The following HOOK3 variants were observed in gnomAD, a reference collection of about 807,000 sequenced individuals.
The protein encoded by HOOK3 is protein Hook homolog 3.
HOOK3 carries 24 observed loss-of-function variants against 116.3 expected under a neutral mutation model. The observed-to-expected ratio is 0.21, with a 90% CI of 0.15 to 0.29. HOOK3 has a LOEUF of 0.29. Among genes scored for constraint, HOOK3 ranks in the 10% least tolerant of loss-of-function variants. The pLI is 1.00. For synonymous variants in HOOK3, 275 were observed against 283.0 expected (o/e 0.97, Z 0.28); for missense variants, 632 against 830.2 (o/e 0.76, Z 2.93).
chr8:42,983,993 A>G (rs538209656), intron 14 of HOOK3, among the ~76,000 whole-genome samples: 26 of 152,308 alleles, frequency 1.7e-4, no homozygotes, highest in African/African-American at 5.8e-4. Context: ...GGTTTCATAC[A>G]CTGTAAAAGT....
chr8:42,944,619 G>C (rs989940093), intron 5 of HOOK3, among the ~76,000 whole-genome samples: 4 of 152,084 alleles, frequency 2.6e-5, no homozygotes, highest in South Asian at 2.1e-4. Context: ...AGGAGTTTGA[G>C]ACCAGCCTGG....
intron 4 of HOOK3, among the ~76,000 whole-genome samples, chr8:42,938,320 A>C (rs1808014743): frequency 6.6e-6 from 1 of 151,466 alleles, no homozygotes; most frequent in South Asian, 2.1e-4. Context: ...TCCTGAATAC[A>C]GCACACTGAT....
intron 14 of HOOK3, among the ~76,000 whole-genome samples, chr8:42,984,394 A>G (rs550116068): frequency 5.9e-5 from 9 of 152,226 alleles, no homozygotes; most frequent in African/African-American, 1.9e-4. Flanking sequence ...AAGAAGTACA[A>G]ACAAAAGGCG....
chr8:42,917,095 T>C (rs1350571979), intron 2 of HOOK3, among the ~76,000 whole-genome samples: 4 of 152,178 alleles, frequency 2.6e-5, no homozygotes, highest in Non-Finnish European at 5.9e-5. Flanking sequence ...GATAATTTGT[T>C]AGAATGACTC....
At chr8:42,934,588 T>TA (rs1429524729) in intron 4 of HOOK3, among the ~76,000 whole-genome samples, 4 of 148,410 alleles carry the variant, frequency 2.7e-5, no homozygotes, top group Admixed American at 6.7e-5. Flanking sequence ...GTTCCCTCCG[T>TA]GTGTCCATGT....
At chr8:42,926,102 T>C (rs1335482725) in intron 3 of HOOK3, among the ~76,000 whole-genome samples, 1 of 152,196 alleles carries the variant, frequency 6.6e-6, no homozygotes, top group Non-Finnish European at 1.5e-5. Flanking sequence ...CCTTTAAGTA[T>C]TTTACAAGTT....
intron 2 of HOOK3, among the ~76,000 whole-genome samples, chr8:42,917,059 C>T (rs1807546644): frequency 6.6e-6 from 1 of 152,176 alleles, no homozygotes; most frequent in Admixed American, 6.5e-5. Flanking sequence ...TCAAGGGTTC[C>T]CATGACCCCG....
chr8:42,906,710 A>G (rs1051510218), intron 2 of HOOK3, among the ~76,000 whole-genome samples: 1 of 152,186 alleles, frequency 6.6e-6, no homozygotes, highest in African/African-American at 2.4e-5. Flanking sequence ...TTGTGACACC[A>G]TCTGATATAC....
At chr8:42,956,661 T>C (rs1471374580) in intron 6 of HOOK3, among the ~76,000 whole-genome samples, 3 of 152,238 alleles carry the variant, frequency 2.0e-5, no homozygotes, top group African/African-American at 7.2e-5. Context: ...CTCGGCTCAC[T>C]GCAACCTCCG....
intron 15 of HOOK3, among the ~76,000 whole-genome samples, chr8:42,989,290 T>G (rs956853812): frequency 6.6e-6 from 1 of 152,188 alleles, no homozygotes; most frequent in Non-Finnish European, 1.5e-5. Flanking sequence ...AGACTTTGAT[T>G]AAAATGTTAA....
rs543701584 is a variant in HOOK3 at position 42,899,274 on chromosome 8, A to G, written c.57+2086A>G. Among the ~76,000 whole-genome samples, 31 of 152,342 alleles carry G rather than the reference A, an allele frequency of 2.0e-4. No homozygotes were observed. The South Asian group carries it at 3.7e-3, about 18-fold the overall frequency. On this transcript the variant is annotated intron_variant, in intron 1 of 21. Coordinates refer to ENST00000307602, the MANE Select transcript of HOOK3 (RefSeq NM_032410.4). ...AATGTCAAGAAAACGAGTAATCCAC[A>G]TTATCAGCTGTAGAGAGGTCAGGGA...
intron 21 of HOOK3, among the ~76,000 whole-genome samples, chr8:43,014,326 T>G (rs982657250): frequency 3.4e-5 from 5 of 145,778 alleles, no homozygotes; most frequent in African/African-American, 1.0e-4. Context: ...AGACAAGAAA[T>G]GGGACCAGAT....
At chr8:43,011,710 C>CA (rs1192245395) in intron 19 of HOOK3, among the ~76,000 whole-genome samples, 5 of 151,468 alleles carry the variant, frequency 3.3e-5, no homozygotes, top group Non-Finnish European at 7.4e-5. Flanking sequence ...TCCGTCTCTA[C>CA]AAAAAAAAGT....
At chr8:42,936,030 A>G (rs1252952594) in intron 4 of HOOK3, among the ~76,000 whole-genome samples, 1 of 152,178 alleles carries the variant, frequency 6.6e-6, no homozygotes, top group Non-Finnish European at 1.5e-5. Context: ...TGAGCATGGA[A>G]TATTTGTTCA....
intron 13 of HOOK3, among the ~76,000 whole-genome samples, chr8:42,979,131 G>A (rs1808884671): frequency 6.6e-6 from 1 of 152,032 alleles, no homozygotes; most frequent in African/African-American, 2.4e-5. Context: ...TAATGGCTGG[G>A]TGCAGTGGCT....
chr8:42,997,553 G>C lies in HOOK3; in HGVS notation c.1536G>C (p.Leu512=). ...RKNELETENR[L]VNQRLLEVQS... ...TTAATGTACATTTCATTTCTAGGCT[G>C]GTGAATCAAAGACTTCTGGAAGTAC... The change falls in exon 16 of 22, where the codon CTG becomes CTC. Residue 512 remains leucine (L), a synonymous_variant. Transcript: ENST00000307602. 6.3e-7 allele frequency: 1 copy of C among 1,594,574 alleles called. No individual in the cohort carries two copies. The highest frequency in any genetic ancestry group is 8.6e-7 in the Non-Finnish European group (1 of 1,166,572).
intron 17 of HOOK3, among the ~76,000 whole-genome samples, chr8:43,006,666 GTAT>G (rs1187592811): frequency 1.3e-5 from 2 of 152,084 alleles, no homozygotes; most frequent in Non-Finnish European, 2.9e-5. Context: ...GGGCTTAGTT[GTAT>G]TATTCTTTTA....
At position 43,018,398 on chromosome 8, in the gene HOOK3, C is replaced by T; in HGVS notation, c.2057C>T (p.Ala686Val). The T allele has an allele frequency of 6.2e-7, 1 of 1,612,666 alleles. No homozygotes were observed. The highest frequency in any genetic ancestry group is 8.5e-7 in the Non-Finnish European group (1 of 1,179,626). Residue 686 changes from alanine to valine, a missense_variant, in exon 22 of 22, where the codon GCA becomes GTA. This residue lies in a region of HOOK3 where 483 missense variants were observed against 648.1 expected (regional missense o/e 0.75). Coordinates refer to ENST00000307602, the MANE Select transcript of HOOK3 (RefSeq NM_032410.4). The part of the protein sequence containing the change: ...LHKKAAEDRL[A>V]STGSGQSFLA... ...AAAAAGGCAGCTGAAGATAGACTGG[C>T]AAGCACAGGCTCAGGGCAGTCATTT...
intron 6 of HOOK3, 93 bp from the exon 7 acceptor site, chr8:42,957,001 A>C (rs910906697): frequency 1.7e-6 from 1 of 605,296 alleles, no homozygotes; most frequent in Non-Finnish European, 2.8e-6. Flanking sequence ...TTATATTTCT[A>C]TAGTGGCTGG....
Sources: gnomAD v4.1 joint callset for allele counts (sites outside exome capture counted in the v4.1 genomes callset) on GRCh38, gnomAD v4.1.1 for gene constraint, gnomAD v4.1.1 regional missense constraint, MANE v1.5 for transcripts, NCBI Gene and HGNC (gene_info 2026-07-23, HGNC 2026-07-21) for gene names.